Variants in WIPI2 observed in about 807,000 individuals in gnomAD.
The protein encoded by WIPI2 is WD repeat domain phosphoinositide-interacting protein 2.
WIPI2 carries 28 observed loss-of-function variants against 52.3 expected under a neutral mutation model. The observed-to-expected ratio is 0.54, with a 90% CI of 0.40 to 0.73. The LOEUF (loss-of-function observed/expected upper bound fraction) is 0.73. Among genes scored for constraint, WIPI2 ranks in the 30% least tolerant of loss-of-function variants. WIPI2 has a pLI of 0.00. For synonymous variants in WIPI2, 268 were observed against 245.0 expected (o/e 1.09, Z -0.88); for missense variants, 506 against 602.9 (o/e 0.84, Z 1.68).
At chr7:5,223,419 TTCCTC>T (rs1438804977) in intron 8 of WIPI2, among the ~76,000 whole-genome samples, 4 of 152,070 alleles carry the variant, frequency 2.6e-5, no homozygotes, top group African/African-American at 7.2e-5. Context: ...CTGGTCCCCT[TTCCTC>T]ATGGGATCCC....
chr7:5,199,725 C>A, intron 3 of WIPI2, 67 bp downstream of exon 3: 1 of 1,450,856 alleles, frequency 6.9e-7, no homozygotes, highest in Non-Finnish European at 9.4e-7. Flanking sequence ...AATTGGAATG[C>A]GATCTAAAAT....
Position 5,222,744 on chromosome 7 carries a change from C to G in WIPI2, c.740+72C>G, listed in dbSNP as rs979505578. ...ATTTCAGTTTTATGTTATCTATGAA[C>G]AAACAAGTAGAACCCCCAGGAGAAT... On this transcript the variant is annotated intron_variant, in intron 8 of 12. Coordinates refer to ENST00000288828, the MANE Select transcript of WIPI2 (RefSeq NM_015610.4). 2.6e-4 allele frequency: 379 copies of G among 1,437,292 alleles called. 1 individual carries two copies. The highest frequency in any genetic ancestry group is 4.0e-5 in the Non-Finnish European group (41 of 1,025,004). 89.0% of individuals were successfully genotyped at this position (1,437,292 alleles called of 1,614,324 possible). A position where few individuals can be genotyped will look rare whatever the true frequency, so the allele number is the denominator to read the frequency against.
rs1680245375 is a variant in WIPI2 at position 5,227,362 on chromosome 7, C to T, written c.1013+18C>T. The T allele has an allele frequency of 1.2e-6, 2 of 1,609,398 alleles. No individual in the cohort carries two copies. The highest frequency in any genetic ancestry group is 1.7e-6 in the Non-Finnish European group (2 of 1,179,346). On this transcript the variant is annotated intron_variant, in intron 10 of 12. Transcript: ENST00000288828. The surrounding 1 kb of genome is among the most constrained non-coding windows in gnomAD (Gnocchi z 8.1). ...CTAGCCACGTGAGTAGAGCCGGCGC[C>T]TCCGTCCCCCACCCCGTGTGCCTCA...
chr7:5,214,622 AG>A lies in WIPI2; in HGVS notation c.301del (p.Val101PhefsTer22). The A allele has an allele frequency of 6.2e-7, 1 of 1,614,248 alleles. No homozygotes were observed. On this transcript the variant is annotated frameshift_variant, in exon 4 of 13. Transcript: ENST00000288828. LOFTEE classifies it high-confidence loss of function. ...IVSLKAPRKL[K>X]VCHFKKGTEI... ...AGCCTTAAAGCACCAAGGAAGCTAA[AG>A]GTTTGCCACTTTAAGAAGGGAACTG...
intron 3 of WIPI2, among the ~76,000 whole-genome samples, chr7:5,211,626 C>G (rs1020291052): frequency 9.2e-5 from 14 of 152,300 alleles, no homozygotes; most frequent in African/African-American, 3.4e-4. Context: ...GAAGTAAGTT[C>G]TTTTCACCAC....
At position 5,193,179 on chromosome 7, in the gene WIPI2, C is replaced by A; in HGVS notation, c.128+8C>A. 1 of 1,612,952 alleles carries A rather than the reference C, an allele frequency of 6.2e-7. No homozygotes were observed. ...CCGTCGCGCTGTTGTCTGGTTAGTTCCAACCCTGGTTTCTGAAAGTATCAC... is the reference window on the plus strand; with the variant it reads ...CCGTCGCGCTGTTGTCTGGTTAGTTACAACCCTGGTTTCTGAAAGTATCAC... On this transcript the variant is annotated splice_region_variant and intron_variant, in intron 2 of 12. Coordinates refer to ENST00000288828, the MANE Select transcript of WIPI2 (RefSeq NM_015610.4).
intron 7 of WIPI2, 69 bp downstream of exon 7, chr7:5,218,083 A>C (rs570940040): frequency 1.3e-6 from 2 of 1,531,504 alleles, no homozygotes; most frequent in South Asian, 2.2e-5. Context: ...TTCTGTTCAC[A>C]CAGCCACCTT....
At chr7:5,206,022 T>G (rs1478889375) in intron 3 of WIPI2, among the ~76,000 whole-genome samples, 2 of 152,190 alleles carry the variant, frequency 1.3e-5, no homozygotes, top group Non-Finnish European at 2.9e-5. Flanking sequence ...ATTTGCCTTT[T>G]GACCTTGTTT....
Position 5,232,537 on chromosome 7 carries a change from A to G in WIPI2, c.*1590A>G, listed in dbSNP as rs2115334422. The stretch of plus-strand genomic sequence containing the variant: ...TTGTCTGTCCTGGACCTTTGATGAA[A>G]TGGGATCCCGGTCACGCAGGCTGAG... On this transcript the variant is annotated 3_prime_UTR_variant, in exon 13 of 13. Transcript: ENST00000288828. 2 of 388,494 alleles carry G rather than the reference A, an allele frequency of 5.1e-6. No individual in the cohort carries two copies. Among genetic ancestry groups the G allele is most frequent in the East Asian group, 7.3e-5 (2 of 27,404 alleles). The allele number at this position is 388,494 out of a possible 1,614,324, so 24.1% of individuals were successfully genotyped here. A position where few individuals can be genotyped will look rare whatever the true frequency, so the allele number is the denominator to read the frequency against.
At chr7:5,216,446 A>G (rs35561227) in intron 4 of WIPI2, 117 bp from the exon 5 acceptor site, 2 of 803,704 alleles carry the variant, frequency 2.5e-6, no homozygotes, top group Admixed American at 2.4e-5. Flanking sequence ...AAAATAAAAT[A>G]CAATAACAAT....
At chr7:5,216,498 G>A (rs1782819312) in intron 4 of WIPI2, 65 bp from the exon 5 acceptor site, 2 of 1,270,728 alleles carry the variant, frequency 1.6e-6, no homozygotes, top group Admixed American at 1.7e-5. Flanking sequence ...CAGTCAACTG[G>A]AGATTGGGGC....
intron 11 of WIPI2, among the ~76,000 whole-genome samples, chr7:5,228,544 G>A (rs752044103): frequency 1.2e-4 from 18 of 152,198 alleles, no homozygotes; most frequent in Non-Finnish European, 2.2e-4. Flanking sequence ...GTGGAGTTTC[G>A]CATTTGGAAA....
chr7:5,206,794 G>A (rs907114230), intron 3 of WIPI2, among the ~76,000 whole-genome samples: 2 of 152,022 alleles, frequency 1.3e-5, no homozygotes, highest in Non-Finnish European at 2.9e-5. Context: ...TTTTGAGACA[G>A]CATCTAGCTC....
Position 5,230,964 on chromosome 7 carries a change from C to A in WIPI2, c.*17C>A. ...ACTGACTGAACTTGACCTGTGACCT[C>A]TGACCCGGGGAGCAGAGAACACTGG... On this transcript the variant is annotated 3_prime_UTR_variant, in exon 13 of 13. Transcript: ENST00000288828. This position sits in a 1 kb window ranked among gnomAD's most constrained non-coding sequence, Gnocchi z 4.8. 4 of 1,604,068 alleles carry A rather than the reference C, an allele frequency of 2.5e-6. No homozygotes were observed. Among genetic ancestry groups the A allele is most frequent in the Non-Finnish European group, 3.4e-6 (4 of 1,174,280 alleles).
chr7:5,228,628 A>G (rs1783565100), intron 11 of WIPI2, among the ~76,000 whole-genome samples: 1 of 152,258 alleles, frequency 6.6e-6, no homozygotes, highest in Non-Finnish European at 1.5e-5. Flanking sequence ...TGTGAGGTAC[A>G]GGTTTGTTCT....
intron 7 of WIPI2, chr7:5,218,320 C>T (rs1406581531): frequency 1.4e-5 from 4 of 282,822 alleles, no homozygotes; most frequent in Non-Finnish European, 2.7e-5. Context: ...GATGAAACTA[C>T]CACATAACAG....
At chr7:5,203,844 C>T (rs1358521952) in intron 3 of WIPI2, among the ~76,000 whole-genome samples, 2 of 151,772 alleles carry the variant, frequency 1.3e-5, no homozygotes, top group Admixed American at 6.6e-5. Flanking sequence ...AGGATGGTCT[C>T]GATCTCCTGA....
chr7:5,207,854 C>T (rs568936717), intron 3 of WIPI2, among the ~76,000 whole-genome samples: 1 of 151,324 alleles, frequency 6.6e-6, no homozygotes, highest in East Asian at 1.9e-4. Context: ...CAACCTCCAC[C>T]TCTGGGGTTC....
chr7:5,221,816 T>C (rs927092533), intron 7 of WIPI2, among the ~76,000 whole-genome samples: 2 of 152,108 alleles, frequency 1.3e-5, no homozygotes, highest in African/African-American at 2.4e-5. Context: ...CCTTATAAGG[T>C]AGTTGAGATT....
Sources: allele counts gnomAD v4.1 joint callset (sites outside exome capture counted in the v4.1 genomes callset), GRCh38; gene constraint gnomAD v4.1.1; non-coding constraint Gnocchi (gnomAD v3.1); transcripts MANE v1.5; gene names NCBI Gene and HGNC (gene_info 2026-07-23, HGNC 2026-07-21).